The following FGGY variants were observed in gnomAD, a reference collection of about 807,000 sequenced individuals.
The protein encoded by FGGY is FGGY carbohydrate kinase domain-containing protein.
In FGGY, 72 loss-of-function variants were observed where a neutral mutation model predicts 71.3. The observed-to-expected ratio is 1.01, with a 90% CI of 0.84 to 1.23. FGGY has a LOEUF of 1.23. FGGY is among the 50% of genes most tolerant of loss of function. The pLI is 0.00. For synonymous variants in FGGY, 251 were observed against 250.3 expected (o/e 1.00, Z -0.02); for missense variants, 668 against 682.3 (o/e 0.98, Z 0.23).
At chr1:59,482,515 T>C (rs558093613) in intron 6 of FGGY, among the ~76,000 whole-genome samples, 1 of 152,102 alleles carries the variant, frequency 6.6e-6, no homozygotes, top group Non-Finnish European at 1.5e-5. Flanking sequence ...GAATCTTGAC[T>C]ATTATTTCCC....
intron 4 of FGGY, among the ~76,000 whole-genome samples, chr1:59,351,958 A>G (rs78466310): frequency 0.025 from 3,813 of 152,232 alleles, 183 homozygotes; most frequent in African/African-American, 0.088. Flanking sequence ...AGTCACCTGG[A>G]TCCTAGTCCT....
Position 59,448,766 on chromosome 1 carries a change from T to A in FGGY, c.555-8195T>A, listed in dbSNP as rs2071932056. ...TGTGGGAGGTTGTGGCCTGACCTTA[T>A]ATACTGAAATTTCCAGAAGGCCAGA... On this transcript the variant is annotated intron_variant, in intron 5 of 15. Transcript: ENST00000303721. Among the ~76,000 whole-genome samples, 6 of 152,196 alleles carry A rather than the reference T, an allele frequency of 3.9e-5. No individual in the cohort carries two copies. The South Asian group carries it at 1.2e-3, about 32-fold the overall frequency.
At position 59,602,563 on chromosome 1, in the gene FGGY, G is replaced by A. The variant is rs184943751; in HGVS notation, c.904-5240G>A. On this transcript the variant is annotated intron_variant, in intron 8 of 15. Transcript: ENST00000303721. Reference sequence around the variant, plus strand: ...ACTATACCCATCCTTCAAACCATGCGATCTTTTATTTAAAGTAAAATGCAG... The same window carrying A: ...ACTATACCCATCCTTCAAACCATGCAATCTTTTATTTAAAGTAAAATGCAG... 5.4e-4 allele frequency among the ~76,000 whole-genome samples: 82 copies of A among 152,210 alleles called. 1 individual carries two copies. Among genetic ancestry groups the A allele is most frequent in the African/African-American group, 1.8e-3 (76 of 41,538 alleles).
chr1:59,703,269 G>A (rs2097725434), intron 14 of FGGY, among the ~76,000 whole-genome samples: 1 of 152,168 alleles, frequency 6.6e-6, no homozygotes, highest in African/African-American at 2.4e-5. Flanking sequence ...TACCATCTCT[G>A]TGCTGAGGGG....
intron 8 of FGGY, among the ~76,000 whole-genome samples, chr1:59,579,990 C>CACAGGGCCTTTGT (rs1010955973): frequency 6.6e-6 from 1 of 152,134 alleles, no homozygotes; most frequent in African/African-American, 2.4e-5. Flanking sequence ...ACACCTCTGC[C>CACAGGGCCTTTGT]ACAGGGCCTT....
At chr1:59,756,613 G>T (rs1230641022) in intron 14 of FGGY, among the ~76,000 whole-genome samples, 1 of 152,156 alleles carries the variant, frequency 6.6e-6, no homozygotes, top group East Asian at 1.9e-4. Flanking sequence ...TGTTATGCTT[G>T]GCACGTGAAA....
In FGGY at chr1:59,386,124, G is replaced by A. The variant is rs139723644; in HGVS notation, c.554+7287G>A. On this transcript the variant is annotated intron_variant, in intron 5 of 15. Coordinates refer to ENST00000303721, the MANE Select transcript of FGGY (RefSeq NM_018291.5). ...ATTAATATATTATTATGATACATTT[G>A]TCATAATTAATGGACTGATATTGAT... 1.8e-3 allele frequency among the ~76,000 whole-genome samples: 275 copies of A among 152,230 alleles called. 1 individual carries two copies. Among genetic ancestry groups the A allele is most frequent in the African/African-American group, 6.4e-3 (267 of 41,542 alleles).
At chr1:59,723,759 G>C (rs556588731) in intron 14 of FGGY, among the ~76,000 whole-genome samples, 1 of 152,020 alleles carries the variant, frequency 6.6e-6, no homozygotes, top group South Asian at 2.1e-4. Flanking sequence ...TAAAATTTAC[G>C]TACATTAAGG....
At chr1:59,465,702 A>G (rs1572500930) in intron 6 of FGGY, among the ~76,000 whole-genome samples, 1 of 151,886 alleles carries the variant, frequency 6.6e-6, no homozygotes, top group East Asian at 1.9e-4. Context: ...AGCATTTCCT[A>G]TACACCAACA....
chr1:59,718,499 G>C (rs996623530), intron 14 of FGGY, among the ~76,000 whole-genome samples: 5 of 152,118 alleles, frequency 3.3e-5, no homozygotes, highest in African/African-American at 1.2e-4. Context: ...GCAGAGGGTG[G>C]CTCTCTACAA....
intron 14 of FGGY, among the ~76,000 whole-genome samples, chr1:59,706,957 G>A (rs189963658): frequency 5.9e-5 from 9 of 152,324 alleles, no homozygotes; most frequent in African/African-American, 2.2e-4. Context: ...GTAGTCAGGG[G>A]TCCCTGGGCA....
chr1:59,404,997 C>CTAA, intron 5 of FGGY, among the ~76,000 whole-genome samples: 1 of 152,282 alleles, frequency 6.6e-6, no homozygotes, highest in South Asian at 2.1e-4. Context: ...TAATGTATGC[C>CTAA]TGGTGAAATC....
intron 5 of FGGY, among the ~76,000 whole-genome samples, chr1:59,408,878 C>T (rs1050815697): frequency 6.6e-6 from 1 of 152,148 alleles, no homozygotes; most frequent in Non-Finnish European, 1.5e-5. Flanking sequence ...TGTTCAAGCT[C>T]AGGAGAGCTT....
intron 3 of FGGY, among the ~76,000 whole-genome samples, chr1:59,340,601 G>T (rs530307117): frequency 6.6e-6 from 1 of 152,154 alleles, no homozygotes; most frequent in African/African-American, 2.4e-5. Flanking sequence ...ATAGACACTT[G>T]TGAGTACAGA....
chr1:59,463,700 G>T (rs1262737874), intron 6 of FGGY, among the ~76,000 whole-genome samples: 1 of 145,894 alleles, frequency 6.9e-6, no homozygotes, highest in East Asian at 2.0e-4. Flanking sequence ...AAAAAAAAAG[G>T]CAGGGGTTGC....
chr1:59,337,472 C>T (rs1369865821), intron 2 of FGGY, among the ~76,000 whole-genome samples: 2 of 152,160 alleles, frequency 1.3e-5, no homozygotes, highest in Non-Finnish European at 2.9e-5. Flanking sequence ...TCCCAGTCCA[C>T]TGACTCCACA....
chr1:59,731,551 G>T (rs1021884292), intron 14 of FGGY, among the ~76,000 whole-genome samples: 9 of 151,690 alleles, frequency 5.9e-5, no homozygotes, highest in African/African-American at 1.9e-4. Flanking sequence ...TAGCCAGTTC[G>T]TATTCCTTTG....
At chr1:59,300,311 T>A (rs762657951) in intron 1 of FGGY, among the ~76,000 whole-genome samples, 2 of 152,236 alleles carry the variant, frequency 1.3e-5, no homozygotes, top group Non-Finnish European at 2.9e-5. Flanking sequence ...ATGTATTCAA[T>A]CTTTCGTCCA....
chr1:59,747,426 C>T (rs2098209408), intron 14 of FGGY, among the ~76,000 whole-genome samples: 1 of 152,168 alleles, frequency 6.6e-6, no homozygotes, highest in South Asian at 2.1e-4. Flanking sequence ...TGAAACTTTC[C>T]CTTGCTAGGA....
Sources: allele counts gnomAD v4.1 joint callset (sites outside exome capture counted in the v4.1 genomes callset), GRCh38; gene constraint gnomAD v4.1.1; transcripts MANE v1.5; gene names NCBI Gene and HGNC (gene_info 2026-07-23, HGNC 2026-07-21).